The following NSD2 variants were observed in gnomAD, a reference collection of about 807,000 sequenced individuals.
NSD2 encodes the protein histone-lysine N-methyltransferase NSD2.
Under a neutral mutation model 139.0 loss-of-function variants are expected in NSD2, and 12 were observed. The ratio of observed to expected loss-of-function variants is 0.09; its 90% CI spans 0.06 to 0.14. NSD2 has a LOEUF of 0.14. Ranked by LOEUF, NSD2 falls within the 10% of genes least tolerant of loss-of-function variation. The pLI is 1.00. For synonymous variants in NSD2, 669 were observed against 648.7 expected (o/e 1.03, Z -0.48); for missense variants, 1,155 against 1,745.0 (o/e 0.66, Z 6.02).
intron 18 of NSD2, among the ~76,000 whole-genome samples, chr4:1,963,632 C>A (rs1052305761): frequency 6.6e-6 from 1 of 152,228 alleles, no homozygotes; most frequent in Non-Finnish European, 1.5e-5. Flanking sequence ...ACATGGTAAT[C>A]CACCTGAGGT....
rs116557881 is a variant in NSD2, at chr4:1,953,217, C to T, written c.2138-107C>T. 2,007 of 1,589,658 alleles carry T rather than the reference C, an allele frequency of 1.3e-3. 12 individuals are homozygous for T. The African/African-American group carries it at 0.023, about 18-fold the overall frequency. On this transcript the variant is annotated intron_variant, in intron 11 of 21. Transcript: ENST00000508803. ...GAAACAGGGCCAGGTGCTTTAGCAG[C>T]ATGGCTGCCTCTGAAGAGGAGTTGC...
chr4:1,926,556 C>T (rs1467756373), intron 5 of NSD2, among the ~76,000 whole-genome samples: 4 of 151,902 alleles, frequency 2.6e-5, no homozygotes, highest in South Asian at 2.1e-4. Context: ...CTGCAACCTC[C>T]GCCTTCCGGG....
At chr4:1,929,787 C>T (rs962831147) in intron 5 of NSD2, among the ~76,000 whole-genome samples, 1 of 152,156 alleles carries the variant, frequency 6.6e-6, no homozygotes, top group Non-Finnish European at 1.5e-5. Flanking sequence ...ATCCGTGGCT[C>T]TCGGACTTGG....
In NSD2 at chr4:1,975,316, C is replaced by T. The variant is rs1726959885; in HGVS notation, c.3537C>T (p.Tyr1179=). The change falls in exon 20 of 22, where the codon TAC becomes TAT. Residue 1179 remains tyrosine, a synonymous_variant. Coordinates refer to ENST00000508803, the MANE Select transcript of NSD2 (RefSeq NM_001042424.3). ...CAGGGACGGAGCTGACTTTTAACTA[C>T]AACCTCGATTGTCTGGGCAATGAAA... ...IPAGTELTFN[Y]NLDCLGNEKT... 1 of 1,614,214 alleles carries T rather than the reference C, an allele frequency of 6.2e-7. No individual in the cohort carries two copies. The highest frequency in any genetic ancestry group is 8.5e-7 in the Non-Finnish European group (1 of 1,180,046).
intron 5 of NSD2, among the ~76,000 whole-genome samples, chr4:1,925,076 G>T (rs1347950323): frequency 6.6e-6 from 1 of 152,228 alleles, no homozygotes; most frequent in East Asian, 1.9e-4. Context: ...TATCGGAAAA[G>T]CAATGACTAT....
chr4:1,925,882 G>A (rs940449280), intron 5 of NSD2, among the ~76,000 whole-genome samples: 12 of 151,400 alleles, frequency 7.9e-5, no homozygotes, highest in Admixed American at 1.3e-4. Flanking sequence ...GCTTGCCACA[G>A]CCTTGACCTC....
intron 6 of NSD2, among the ~76,000 whole-genome samples, chr4:1,934,932 A>G: frequency 7.2e-6 from 1 of 138,772 alleles, no homozygotes; most frequent in South Asian, 2.4e-4. Flanking sequence ...AACAGATGCT[A>G]ATATAATCCC....
At chr4:1,931,968 A>G (rs1260645572) in intron 6 of NSD2, among the ~76,000 whole-genome samples, 1 of 152,174 alleles carries the variant, frequency 6.6e-6, no homozygotes. Context: ...ATTGTGTTAT[A>G]TTTTGCTGAG....
intron 9 of NSD2, among the ~76,000 whole-genome samples, chr4:1,950,184 G>A (rs1724061861): frequency 6.6e-6 from 1 of 152,168 alleles, no homozygotes; most frequent in African/African-American, 2.4e-5. Context: ...TTAAATATTT[G>A]TTGATGTTGC....
intron 1 of NSD2, among the ~76,000 whole-genome samples, chr4:1,899,050 A>T (rs1254510283): frequency 2.6e-5 from 4 of 152,202 alleles, no homozygotes; most frequent in African/African-American, 9.7e-5. Context: ...TATGAGCTGG[A>T]AGAGGAACTG....
chr4:1,945,812 C>T lies in NSD2; in HGVS notation c.1882-5260C>T, dbSNP rs562839376. 2.5e-4 allele frequency: 261 copies of T among 1,064,238 alleles called. 2 individuals are homozygous for T. In the African/African-American group the frequency reaches 3.9e-3, roughly 16 times the overall value. The allele number at this position is 1,064,238 out of a possible 1,614,324, so 65.9% of individuals were successfully genotyped here. A position where few individuals can be genotyped will look rare whatever the true frequency, so the allele number is the denominator to read the frequency against. On this transcript the variant is annotated intron_variant, in intron 9 of 21. Coordinates refer to ENST00000508803, the MANE Select transcript of NSD2 (RefSeq NM_001042424.3). ...GGAGGGCTGTAAAGCCACGGATTCC[C>T]CTCGCTGGAGAGGCTCCTGTCTGAT... is the stretch of plus-strand genomic sequence containing the variant.
chr4:1,874,628 G>A (rs892284512), intron 1 of NSD2, among the ~76,000 whole-genome samples: 1 of 152,162 alleles, frequency 6.6e-6, no homozygotes, highest in African/African-American at 2.4e-5. Context: ...GCTGAGTCTA[G>A]AAAGGAAATG....
chr4:1,933,987 T>C (rs1442169771), intron 6 of NSD2, among the ~76,000 whole-genome samples: 1 of 152,094 alleles, frequency 6.6e-6, no homozygotes, highest in African/African-American at 2.4e-5. Flanking sequence ...CTTAACATGT[T>C]TAAGGAAATG....
In NSD2 at chr4:1,955,360, C is replaced by G. The variant is rs750489573; in HGVS notation, c.2518+20C>G. 3.1e-6 allele frequency: 5 copies of G among 1,595,406 alleles called. No individual in the cohort carries two copies. Among genetic ancestry groups the G allele is most frequent in the Non-Finnish European group, 4.3e-6 (5 of 1,167,786 alleles). ...CCAAAGGTGAGGGGCCTGGGGGTGT[C>G]TGCGGCACACGCCTCTCACACTCCC... On this transcript the variant is annotated intron_variant, in intron 13 of 21. Transcript: ENST00000508803. The surrounding 1 kb of genome is among the most constrained non-coding windows in gnomAD (Gnocchi z 4.7).
In NSD2 at chr4:1,951,077, G is replaced by A. The variant is rs757671449; in HGVS notation, c.1887G>A (p.Ser629=). Residue 629 remains serine (S), a synonymous_variant, in exon 10 of 22, where the codon TCG becomes TCA. Coordinates refer to ENST00000508803, the MANE Select transcript of NSD2 (RefSeq NM_001042424.3). ...PSASLTENEV[S]DSPGDEPSES... ...TCCGCCTCCTTCATCTCTAGGTCTC[G>A]GACAGCCCGGGAGACGAGCCCTCGG... 8.7e-6 allele frequency: 14 copies of A among 1,613,984 alleles called. No individual in the cohort carries two copies. The East Asian group carries it at 2.2e-4, about 26-fold the overall frequency.
chr4:1,959,713 C>A lies in NSD2; in HGVS notation c.3228C>A (p.Gly1076=), dbSNP rs751878995. 1.9e-6 allele frequency: 3 copies of A among 1,614,040 alleles called. No individual in the cohort carries two copies. In the South Asian group the frequency reaches 3.3e-5, roughly 18 times the overall value. Residue 1076 remains glycine, a synonymous_variant, in exon 17 of 22, where the codon GGC becomes GGA. Transcript: ENST00000508803. ...KIIKTDGKGW[G]LVAKRDIRKG... is the part of the protein sequence containing the mutation. ...TCAAGACAGATGGCAAAGGGTGGGGCCTGGTCGCCAAGAGGGACATCAGAA... is the reference window on the plus strand; with the variant it reads ...TCAAGACAGATGGCAAAGGGTGGGGACTGGTCGCCAAGAGGGACATCAGAA...
At chr4:1,882,553 A>C (rs28438603) in intron 1 of NSD2, among the ~76,000 whole-genome samples, 2,320 of 152,128 alleles carry the variant, frequency 0.015, 58 homozygotes, top group African/African-American at 0.052. Context: ...AGTCCCAGCT[A>C]CTCGGGAGGC....
chr4:1,921,936 T>G (rs1037598007), intron 5 of NSD2, among the ~76,000 whole-genome samples: 3 of 151,094 alleles, frequency 2.0e-5, no homozygotes, highest in Non-Finnish European at 4.4e-5. Context: ...TTACTTGAGG[T>G]TAGGAGTTCC....
At position 1,879,477 on chromosome 4, in the gene NSD2, C is replaced by T. The variant is rs186913920; in HGVS notation, c.-30+7935C>T. ...CTTGTGATCCGCCCGCCTCGGCCTC[C>T]CAAAATGCTGGGATTACAGGCTTGA... On this transcript the variant is annotated intron_variant, in intron 1 of 21. Coordinates refer to ENST00000508803, the MANE Select transcript of NSD2 (RefSeq NM_001042424.3). 5.4e-3 allele frequency among the ~76,000 whole-genome samples: 826 copies of T among 152,262 alleles called. 10 individuals are homozygous for T. Among genetic ancestry groups the T allele is most frequent in the African/African-American group, 0.019 (774 of 41,544 alleles).
Sources: allele counts gnomAD v4.1 joint callset (sites outside exome capture counted in the v4.1 genomes callset), GRCh38; gene constraint gnomAD v4.1.1; non-coding constraint Gnocchi (gnomAD v3.1); transcripts MANE v1.5; gene names NCBI Gene and HGNC (gene_info 2026-07-23, HGNC 2026-07-21).